The following CDH11 variants were observed in gnomAD, a reference collection of about 807,000 sequenced individuals.
CDH11 encodes cadherin-11.
In CDH11, 11 loss-of-function variants were observed where a neutral mutation model predicts 67.8. The observed-to-expected ratio is 0.16, with a 90% CI of 0.10 to 0.27. The LOEUF (loss-of-function observed/expected upper bound fraction) is 0.27, where lower values mean the gene tolerates loss of function less well. Ranked by LOEUF, CDH11 falls within the 10% of genes least tolerant of loss-of-function variation. The pLI is 1.00. For synonymous variants in CDH11, 419 were observed against 400.0 expected, an observed-to-expected ratio of 1.05 and a Z score of -0.57; for missense variants, 847 against 1,031.2, an observed-to-expected ratio of 0.82 and a Z score of 2.45.
intron 1 of CDH11, among the ~76,000 whole-genome samples, chr16:65,082,587 CT>C (rs1209056333): frequency 5.3e-5 from 8 of 152,154 alleles, no homozygotes; most frequent in African/African-American, 1.7e-4. Context: ...AAAAAAAGAA[CT>C]GTCTGGGAGG....
Position 65,034,806 on chromosome 16 carries a change from G to A in CDH11, c.-173+18998C>T, listed in dbSNP as rs1006792043. Among the ~76,000 whole-genome samples the A allele has an allele frequency of 4.6e-5, 7 of 152,118 alleles. No individual in the cohort carries two copies. The South Asian group carries it at 1.4e-3, about 32-fold the overall frequency. ...TGGCTGTATCTGGACTGCCTACGTG[G>A]AATTGGCTGGTAATATAGGGTCCTT... On this transcript the variant is annotated intron_variant, in intron 2 of 12. Transcript: ENST00000268603.
At chr16:65,014,653 A>G (rs541101504) in intron 2 of CDH11, among the ~76,000 whole-genome samples, 1 of 152,188 alleles carries the variant, frequency 6.6e-6, no homozygotes, top group Non-Finnish European at 1.5e-5. Context: ...GAGAGGTAAT[A>G]TGGTTCCAAA....
At chr16:64,975,326 G>A (rs1431576355) in intron 8 of CDH11, among the ~76,000 whole-genome samples, 1 of 152,124 alleles carries the variant, frequency 6.6e-6, no homozygotes, top group Non-Finnish European at 1.5e-5. Context: ...AATCATGGAA[G>A]GCTTTGAGCA....
At chr16:65,082,794 G>A (rs1438616603) in intron 1 of CDH11, among the ~76,000 whole-genome samples, 2 of 152,274 alleles carry the variant, frequency 1.3e-5, no homozygotes, top group East Asian at 3.9e-4. Flanking sequence ...ACTTCGGTAA[G>A]CCTCATTTTC....
At position 65,077,953 on chromosome 16, in the gene CDH11, G is replaced by A. The variant is rs944505493; in HGVS notation, c.-297-24025C>T. On this transcript the variant is annotated intron_variant, in intron 1 of 12. Coordinates refer to ENST00000268603, the MANE Select transcript of CDH11 (RefSeq NM_001797.4). The stretch of plus-strand genomic sequence containing the variant: ...AACACCAGAATTGACTTCATTCACA[G>A]AAGTGGAAATACAGAGACGGGTAAG... Among the ~76,000 whole-genome samples, 3 of 152,208 alleles carry A rather than the reference G, an allele frequency of 2.0e-5. No homozygotes were observed. The East Asian group carries it at 5.8e-4, about 29-fold the overall frequency.
chr16:65,028,128 G>A (rs1333360130), intron 2 of CDH11, among the ~76,000 whole-genome samples: 1 of 152,180 alleles, frequency 6.6e-6, no homozygotes, highest in Non-Finnish European at 1.5e-5. Flanking sequence ...CTTCTGTGGC[G>A]ATGCTTTCCA....
At chr16:65,061,440 G>C (rs1320242607) in intron 1 of CDH11, among the ~76,000 whole-genome samples, 2 of 152,054 alleles carry the variant, frequency 1.3e-5, no homozygotes, top group African/African-American at 2.4e-5. Context: ...TACTCATTTG[G>C]CACAAATTAT....
At chr16:64,999,001 G>A (rs1418440761) in intron 3 of CDH11, 145 bp from the exon 4 acceptor site, 4 of 706,700 alleles carry the variant, frequency 5.7e-6, no homozygotes, top group Non-Finnish European at 9.4e-6. Flanking sequence ...ACAGGAGAAA[G>A]GCAATCTTAG....
At chr16:64,994,626 A>G (rs1408355944) in intron 4 of CDH11, among the ~76,000 whole-genome samples, 3 of 151,406 alleles carry the variant, frequency 2.0e-5, no homozygotes, top group East Asian at 3.9e-4. Flanking sequence ...AAAAGCTGGA[A>G]GCATTCTCCT....
At chr16:65,099,827 T>G (rs979108919) in intron 1 of CDH11, among the ~76,000 whole-genome samples, 8 of 152,094 alleles carry the variant, frequency 5.3e-5, no homozygotes, top group African/African-American at 9.7e-5. Context: ...AGGGGTAATA[T>G]GAGCTGCCAA....
Position 64,945,591 on chromosome 16 carries a change from A to C in CDH11, c.*2012T>G, listed in dbSNP as rs2071182552. ...TTTGGATTACAAAAACTATATAAAA[A>C]AATGAACACAACCTGCAATTATGGA... is the stretch of plus-strand genomic sequence containing the variant. On this transcript the variant is annotated 3_prime_UTR_variant, in exon 13 of 13. Transcript: ENST00000268603. 9.7e-7 allele frequency: 1 copy of C among 1,031,514 alleles called. No homozygotes were observed. The highest frequency in any genetic ancestry group is 1.7e-5 in the African/African-American group (1 of 59,316). 63.9% of individuals were successfully genotyped at this position (1,031,514 alleles called of 1,614,324 possible). A position where few individuals can be genotyped will look rare whatever the true frequency, so the allele number is the denominator to read the frequency against.
intron 11 of CDH11, among the ~76,000 whole-genome samples, chr16:64,961,038 C>T (rs2071659760): frequency 1.3e-5 from 2 of 152,142 alleles, no homozygotes; most frequent in Admixed American, 1.3e-4. Context: ...GATTCCCTGA[C>T]ATCAGATTTA....
chr16:65,028,758 T>A lies in CDH11; in HGVS notation c.-172-23717A>T, dbSNP rs534249405. Among the ~76,000 whole-genome samples the A allele has an allele frequency of 7.9e-5, 12 of 152,284 alleles. No individual in the cohort carries two copies. The East Asian group carries it at 2.3e-3, about 29-fold the overall frequency. The stretch of plus-strand genomic sequence containing the variant: ...CTCCATGCTTGGGTAGCCATTAACA[T>A]CTTCCTACAGAATATCCCACTACAT... On this transcript the variant is annotated intron_variant, in intron 2 of 12. Coordinates refer to ENST00000268603, the MANE Select transcript of CDH11 (RefSeq NM_001797.4).
At chr16:64,961,166 A>G (rs1308927692) in intron 11 of CDH11, among the ~76,000 whole-genome samples, 1 of 152,120 alleles carries the variant, frequency 6.6e-6, no homozygotes, top group Non-Finnish European at 1.5e-5. Flanking sequence ...AATATCTAGA[A>G]TTTGATGAAA....
chr16:65,082,570 T>C (rs567731683), intron 1 of CDH11, among the ~76,000 whole-genome samples: 21 of 152,286 alleles, frequency 1.4e-4, no homozygotes, highest in Admixed American at 1.3e-3. Context: ...TTCAACTGAC[T>C]TCCCAGAAAA....
In CDH11 at chr16:64,964,649, C is replaced by T. The variant is rs566728494; in HGVS notation, c.1642+6930G>A. On this transcript the variant is annotated intron_variant, in intron 11 of 12. Coordinates refer to ENST00000268603, the MANE Select transcript of CDH11 (RefSeq NM_001797.4). ...CTGCAAGCTCCGCCTCCCGGGTTCA[C>T]GTCATTCTCCTGCCTCAGCCTCCCG... is the stretch of plus-strand genomic sequence containing the variant. Among the ~76,000 whole-genome samples, 11 of 152,072 alleles carry T rather than the reference C, an allele frequency of 7.2e-5. No homozygotes were observed. In the East Asian group the frequency reaches 1.8e-3, roughly 24 times the overall value.
rs188512563 is a variant in CDH11 at position 65,038,830 on chromosome 16, G to A, written c.-173+14974C>T. Among the ~76,000 whole-genome samples, 145 of 152,268 alleles carry A rather than the reference G, an allele frequency of 9.5e-4. 1 individual carries two copies. The highest frequency in any genetic ancestry group is 1.4e-3 in the Non-Finnish European group (96 of 68,020). Reference sequence around the variant, plus strand: ...GTAAAAGCAGACTTGGTCTCCTTTCGCTCCATTCCCTTGTTTCCTACCGCA... The same window carrying A: ...GTAAAAGCAGACTTGGTCTCCTTTCACTCCATTCCCTTGTTTCCTACCGCA... On this transcript the variant is annotated intron_variant, in intron 2 of 12. Transcript: ENST00000268603.
At position 64,945,498 on chromosome 16, in the gene CDH11, T is replaced by C. The variant is rs1237130898; in HGVS notation, c.*2105A>G. 5 of 1,033,578 alleles carry C rather than the reference T, an allele frequency of 4.8e-6. No individual in the cohort carries two copies. Among genetic ancestry groups the C allele is most frequent in the Middle Eastern group, 9.0e-4 (2 of 2,232 alleles). The allele number at this position is 1,033,578 out of a possible 1,614,324, so 64.0% of individuals were successfully genotyped here. On this transcript the variant is annotated 3_prime_UTR_variant, in exon 13 of 13. Transcript: ENST00000268603. ...TGTATACTTATTTAAATGCTATTCATATTCCTTTTGAGTTATTTCTTCATT... is the reference window on the plus strand; with the variant it reads ...TGTATACTTATTTAAATGCTATTCACATTCCTTTTGAGTTATTTCTTCATT...
At chr16:65,117,148 C>T (rs935736413) in intron 1 of CDH11, among the ~76,000 whole-genome samples, 1 of 152,188 alleles carries the variant, frequency 6.6e-6, no homozygotes, top group African/African-American at 2.4e-5. Flanking sequence ...TCTTACTTTC[C>T]ACTGAGTTAC....
Sources: gnomAD v4.1 joint callset for allele counts (sites outside exome capture counted in the v4.1 genomes callset) on GRCh38, gnomAD v4.1.1 for gene constraint, MANE v1.5 for transcripts, NCBI Gene and HGNC (gene_info 2026-07-23, HGNC 2026-07-21) for gene names.